PTPRN2: variants seen among roughly 807,000 people sequenced by gnomAD.
PTPRN2 encodes receptor-type tyrosine-protein phosphatase N2.
Under a neutral mutation model 118.8 loss-of-function variants are expected in PTPRN2, and 74 were observed. The observed-to-expected ratio is 0.62, with a 90% confidence interval of 0.52 to 0.76. The LOEUF (loss-of-function observed/expected upper bound fraction) is 0.76. PTPRN2 is among the 30% of genes least tolerant of loss of function. The probability of loss-of-function intolerance (pLI) is 0.00; values close to 1 mark genes in which losing one functional copy is unlikely to be tolerated. For missense variants in PTPRN2, 1,481 were observed against 1,394.4 expected (o/e 1.06, Z -0.99); for synonymous variants, 641 against 608.0 (o/e 1.05, Z -0.80).
At chr7:158,026,152 G>T (rs1166003614) in intron 11 of PTPRN2, among the ~76,000 whole-genome samples, 1 of 152,334 alleles carries the variant, frequency 6.6e-6, no homozygotes, top group Admixed American at 6.5e-5. Flanking sequence ...GGTGAGCTTC[G>T]CATGCTAATG....
intron 22 of PTPRN2, among the ~76,000 whole-genome samples, chr7:157,547,566 C>G (rs1440995062): frequency 1.3e-5 from 2 of 152,082 alleles, no homozygotes; most frequent in Non-Finnish European, 2.9e-5. Flanking sequence ...CACCTCCTCT[C>G]TCGACAGCCT....
intron 12 of PTPRN2, among the ~76,000 whole-genome samples, chr7:157,891,723 C>T (rs1413330368): frequency 6.6e-6 from 1 of 152,184 alleles, no homozygotes; most frequent in Non-Finnish European, 1.5e-5. Context: ...GCCCAGTGAG[C>T]AGCAGGCAAC....
intron 12 of PTPRN2, among the ~76,000 whole-genome samples, chr7:157,827,028 G>A (rs981199954): frequency 4.5e-4 from 68 of 152,116 alleles, no homozygotes; most frequent in African/African-American, 1.6e-3. Context: ...TTGCACTAGA[G>A]ATGATGCTTC....
intron 2 of PTPRN2, among the ~76,000 whole-genome samples, chr7:158,342,072 C>T (rs1166382022): frequency 2.2e-5 from 3 of 136,532 alleles, no homozygotes; most frequent in Non-Finnish European, 3.2e-5. Context: ...CACATCCACA[C>T]TCTCACCAGA....
intron 2 of PTPRN2, among the ~76,000 whole-genome samples, chr7:158,332,924 A>ATT (rs1376088704): frequency 4.4e-4 from 66 of 149,722 alleles, no homozygotes; most frequent in African/African-American, 1.5e-3. Flanking sequence ...TCTCACCATA[A>ATT]GAAGTGACAC....
chr7:157,747,352 C>G (rs1405122405), intron 12 of PTPRN2, among the ~76,000 whole-genome samples: 4 of 75,614 alleles, frequency 5.3e-5, no homozygotes, highest in African/African-American at 5.6e-5. Context: ...GTGGGGTGTC[C>G]GGGTGATTCT....
rs1209500623 is a variant in PTPRN2 at position 157,808,103 on chromosome 7, C to G, written c.1788+90570G>C. 6.6e-6 allele frequency among the ~76,000 whole-genome samples: 1 copy of G among 151,900 alleles called. No homozygotes were observed. The highest frequency in any genetic ancestry group is 1.5e-5 in the Non-Finnish European group (1 of 68,034). On this transcript the variant is annotated intron_variant, in intron 12 of 22. Coordinates refer to ENST00000389418, the MANE Select transcript of PTPRN2 (RefSeq NM_002847.5). The surrounding 1 kb of genome is among the most constrained non-coding windows in gnomAD (Gnocchi z 5.0). ...TCCCACCCATGTCTTCCCACTGGAC[C>G]AGGCATCCCCAGCCTCTGGGCCACG...
intron 9 of PTPRN2, among the ~76,000 whole-genome samples, chr7:158,131,259 A>G (rs916685708): frequency 2.0e-5 from 3 of 152,010 alleles, no homozygotes; most frequent in Non-Finnish European, 4.4e-5. Context: ...ATACACACGC[A>G]AATATGCATA....
chr7:157,723,577 C>A (rs1163160190), intron 12 of PTPRN2, among the ~76,000 whole-genome samples: 4 of 152,252 alleles, frequency 2.6e-5, no homozygotes, highest in African/African-American at 9.6e-5. Context: ...TCACCTCATG[C>A]TCTTCACCCA....
intron 2 of PTPRN2, among the ~76,000 whole-genome samples, chr7:158,343,851 T>C (rs1374185587): frequency 6.6e-6 from 1 of 152,280 alleles, no homozygotes; most frequent in Non-Finnish European, 1.5e-5. Context: ...CTGCTCCCAG[T>C]GGAATCACAG....
intron 2 of PTPRN2, among the ~76,000 whole-genome samples, chr7:158,332,822 T>C (rs1804769157): frequency 7.1e-6 from 1 of 140,356 alleles, no homozygotes; most frequent in African/African-American, 2.8e-5. Flanking sequence ...CGTACACACT[T>C]CTCACCATAA....
chr7:158,138,381 G>C lies in PTPRN2; in HGVS notation c.1045C>G (p.Arg349Gly), dbSNP rs142009346. Reference sequence around the variant, plus strand: ...AGGGCCGCTCTCCCAGGGCTGCCTCGAGCTACTCCATGGTCCACGCCTTGC... The same window carrying C: ...AGGGCCGCTCTCCCAGGGCTGCCTCCAGCTACTCCATGGTCCACGCCTTGC... ...LMQGVDHGVA[R>G]GSPGRAALGE... Residue 349 changes from arginine (R) to glycine (G), a missense_variant, in exon 7 of 23, where the codon CGA becomes GGA. This residue lies in a region of PTPRN2 where 1,115 missense variants were observed against 994.2 expected (regional missense o/e 1.12). Transcript: ENST00000389418. 1.8e-4 allele frequency: 284 copies of C among 1,613,848 alleles called. No individual in the cohort carries two copies. In the African/African-American group the frequency reaches 3.5e-3, roughly 20 times the overall value.
intron 6 of PTPRN2, among the ~76,000 whole-genome samples, chr7:158,163,359 G>A (rs112733701): frequency 6.7e-6 from 1 of 148,964 alleles, no homozygotes; most frequent in African/African-American, 2.5e-5. Flanking sequence ...ACGCCTGTAC[G>A]GGGTTCTCAA....
intron 2 of PTPRN2, among the ~76,000 whole-genome samples, chr7:158,441,432 GGTGATGGCA>G (rs1817181522): frequency 6.7e-6 from 1 of 149,002 alleles, no homozygotes; most frequent in African/African-American, 2.5e-5. Flanking sequence ...TGATAGTGAT[GGTGATGGCA>G]GTGGTGGCAG....
chr7:157,799,999 A>C (rs975737756), intron 12 of PTPRN2, among the ~76,000 whole-genome samples: 1,025 of 34,358 alleles, frequency 0.03, no homozygotes, highest in Middle Eastern at 0.05. Flanking sequence ...CCTCCCCCAT[A>C]CCTCAGAGGC....
chr7:158,001,492 C>T (rs1805256573), intron 11 of PTPRN2, among the ~76,000 whole-genome samples: 1 of 152,112 alleles, frequency 6.6e-6, no homozygotes, highest in Non-Finnish European at 1.5e-5. Context: ...ACCTCCTATA[C>T]CCATGACCCC....
intron 3 of PTPRN2, among the ~76,000 whole-genome samples, chr7:158,268,227 G>A (rs545436224): frequency 3.3e-4 from 50 of 152,242 alleles, no homozygotes; most frequent in African/African-American, 1.2e-3. Flanking sequence ...CACAGAGCGG[G>A]GTGTGAGATA....
intron 11 of PTPRN2, among the ~76,000 whole-genome samples, chr7:157,951,629 T>A (rs1022071160): frequency 6.6e-6 from 1 of 152,216 alleles, no homozygotes; most frequent in African/African-American, 2.4e-5. Flanking sequence ...CTAAACGATG[T>A]TCCCGTGATC....
chr7:158,063,277 G>A (rs1189729132), intron 11 of PTPRN2, among the ~76,000 whole-genome samples: 1 of 151,856 alleles, frequency 6.6e-6, no homozygotes, highest in African/African-American at 2.4e-5. Context: ...TCTAGCTAAT[G>A]GTTTGTAAAC....
Sources: allele counts gnomAD v4.1 joint callset (sites outside exome capture counted in the v4.1 genomes callset), GRCh38; gene constraint gnomAD v4.1.1; regional missense constraint gnomAD v4.1.1; non-coding constraint Gnocchi (gnomAD v3.1); transcripts MANE v1.5; gene names NCBI Gene and HGNC (gene_info 2026-07-23, HGNC 2026-07-21).